Variants in INPP4B observed in about 807,000 individuals in gnomAD.
INPP4B encodes the protein inositol polyphosphate 4-phosphatase type II.
A neutral mutation model predicts 122.5 loss-of-function variants in INPP4B; 55 were observed. The ratio of observed to expected loss-of-function variants is 0.45; its 90% confidence interval spans 0.36 to 0.56. INPP4B has a LOEUF of 0.56. Ranked by LOEUF, INPP4B falls within the 20% of genes least tolerant of loss-of-function variation. The probability of loss-of-function intolerance (pLI) is 0.00; values close to 1 mark genes in which losing one functional copy is unlikely to be tolerated. For missense variants in INPP4B, 1,000 were observed against 1,097.7 expected, an observed-to-expected ratio of 0.91 and a Z score of 1.26; for synonymous variants, 403 against 388.7, an observed-to-expected ratio of 1.04 and a Z score of -0.43.
intron 9 of INPP4B, among the ~76,000 whole-genome samples, chr4:142,277,248 A>G (rs1172861904): frequency 6.6e-6 from 1 of 150,992 alleles, no homozygotes; most frequent in Non-Finnish European, 1.5e-5. Flanking sequence ...TTTGTCGGAC[A>G]TATACATTAC....
In INPP4B at chr4:142,344,269, G is replaced by C. The variant is rs374996801; in HGVS notation, c.373-29507C>G. On this transcript the variant is annotated intron_variant, in intron 7 of 25. Coordinates refer to ENST00000262992, the MANE Select transcript of INPP4B (RefSeq NM_001101669.3). The stretch of plus-strand genomic sequence containing the variant: ...AGGGTGCCGTAGCCAGATGCAGGCT[G>C]TTAAACAAGGGAAGCTGTGGACATA... Among the ~76,000 whole-genome samples the C allele has an allele frequency of 9.9e-5, 15 of 152,142 alleles. No individual in the cohort carries two copies. The East Asian group carries it at 1.7e-3, about 18-fold the overall frequency.
At chr4:142,745,797 T>A (rs573828972) in intron 1 of INPP4B, among the ~76,000 whole-genome samples, 23 of 151,996 alleles carry the variant, frequency 1.5e-4, no homozygotes, top group South Asian at 8.3e-4. Flanking sequence ...ATGAGACAGA[T>A]AAATCTCAAG....
chr4:142,107,725 C>T (rs1787874074), intron 23 of INPP4B, among the ~76,000 whole-genome samples: 2 of 152,180 alleles, frequency 1.3e-5, no homozygotes, highest in South Asian at 4.1e-4. Flanking sequence ...TCTGATGTTG[C>T]TTATAAATGG....
chr4:142,282,026 C>T (rs1023773673), intron 9 of INPP4B, among the ~76,000 whole-genome samples: 1 of 151,956 alleles, frequency 6.6e-6, no homozygotes, highest in East Asian at 1.9e-4. Flanking sequence ...ATTCTCTGCC[C>T]GCATGGAACT....
intron 15 of INPP4B, among the ~76,000 whole-genome samples, chr4:142,178,511 C>A (rs1829351180): frequency 6.6e-6 from 1 of 152,164 alleles, no homozygotes; most frequent in South Asian, 2.1e-4. Context: ...CATTGTGGGA[C>A]TTACTCTGTT....
intron 23 of INPP4B, among the ~76,000 whole-genome samples, chr4:142,101,776 T>G (rs192398794): frequency 2.6e-5 from 4 of 152,286 alleles, no homozygotes; most frequent in Non-Finnish European, 2.9e-5. Flanking sequence ...CTTGTTCTTT[T>G]CTTTCATTTT....
intron 2 of INPP4B, among the ~76,000 whole-genome samples, chr4:142,479,288 T>C (rs1392631869): frequency 1.3e-5 from 2 of 152,064 alleles, no homozygotes; most frequent in South Asian, 4.1e-4. Flanking sequence ...TGAGACAGAA[T>C]TGCTATTAAA....
At chr4:142,219,509 T>C (rs1474152102) in intron 12 of INPP4B, among the ~76,000 whole-genome samples, 3 of 152,218 alleles carry the variant, frequency 2.0e-5, no homozygotes, top group African/African-American at 7.2e-5. Flanking sequence ...AGTGCTCCAC[T>C]TATTGTCTAA....
At chr4:142,612,752 A>G (rs1282633987) in intron 2 of INPP4B, among the ~76,000 whole-genome samples, 1 of 152,018 alleles carries the variant, frequency 6.6e-6, no homozygotes, top group Non-Finnish European at 1.5e-5. Flanking sequence ...CACCCTCATG[A>G]CCTAATCATC....
At chr4:142,057,225 A>T (rs1758164521) in intron 25 of INPP4B, among the ~76,000 whole-genome samples, 1 of 135,444 alleles carries the variant, frequency 7.4e-6, no homozygotes, top group South Asian at 2.7e-4. Context: ...TTTTGTAACA[A>T]TAAATATTCC....
chr4:142,228,219 G>T (rs998832021), intron 12 of INPP4B, among the ~76,000 whole-genome samples: 1 of 151,694 alleles, frequency 6.6e-6, no homozygotes, highest in African/African-American at 2.4e-5. Flanking sequence ...TTTTAAAAAA[G>T]ATTAAAGATA....
chr4:142,031,066 T>TA (rs1047228507), intron 25 of INPP4B, among the ~76,000 whole-genome samples: 58 of 151,764 alleles, frequency 3.8e-4, no homozygotes, highest in Admixed American at 1.4e-3. Context: ...TCTGTGTAAA[T>TA]AAAAAAAAGT....
At chr4:142,318,447 A>T (rs1768669922) in intron 7 of INPP4B, among the ~76,000 whole-genome samples, 1 of 152,178 alleles carries the variant, frequency 6.6e-6, no homozygotes, top group South Asian at 2.1e-4. Context: ...TTCACCGACA[A>T]TGTCATGCCT....
At position 142,145,689 on chromosome 4, in the gene INPP4B, T is replaced by C. The variant is rs929168926; in HGVS notation, c.1720+151A>G. 2.6e-5 allele frequency: 17 copies of C among 663,470 alleles called. No individual in the cohort carries two copies. In the African/African-American group the frequency reaches 2.9e-4, roughly 11 times the overall value. The allele number at this position is 663,470 out of a possible 1,614,324, so 41.1% of individuals were successfully genotyped here. A position where few individuals can be genotyped will look rare whatever the true frequency, so the allele number is the denominator to read the frequency against. ...TGAGATGCAATTTGATAAATAGCCT[T>C]CCATCATCCAAGCCAGAGCAGTGGA... On this transcript the variant is annotated intron_variant, in intron 18 of 25. Coordinates refer to ENST00000262992, the MANE Select transcript of INPP4B (RefSeq NM_001101669.3).
intron 16 of INPP4B, among the ~76,000 whole-genome samples, chr4:142,166,479 G>GT (rs1250588330): frequency 6.6e-6 from 1 of 151,534 alleles, no homozygotes; most frequent in African/African-American, 2.4e-5. Context: ...CATAGGCATG[G>GT]GCAAATATTT....
chr4:142,394,434 C>T (rs1014103995), intron 7 of INPP4B, among the ~76,000 whole-genome samples: 11 of 152,206 alleles, frequency 7.2e-5, no homozygotes, highest in Admixed American at 2.6e-4. Flanking sequence ...CTACAGCCAC[C>T]GCACCTGGCC....
chr4:142,206,490 C>A (rs1051581437), intron 14 of INPP4B, among the ~76,000 whole-genome samples: 4 of 151,544 alleles, frequency 2.6e-5, no homozygotes, highest in African/African-American at 9.7e-5. Context: ...TTTAAACTTG[C>A]AAATCAGCTG....
chr4:142,311,372 T>G (rs1405163691), intron 8 of INPP4B, among the ~76,000 whole-genome samples: 1 of 152,218 alleles, frequency 6.6e-6, no homozygotes, highest in East Asian at 1.9e-4. Context: ...TTTTGAGTTC[T>G]GATGGGTCAC....
intron 2 of INPP4B, among the ~76,000 whole-genome samples, chr4:142,485,303 A>C (rs1821069352): frequency 6.6e-6 from 1 of 152,056 alleles, no homozygotes; most frequent in Non-Finnish European, 1.5e-5. Context: ...AAGACCAACC[A>C]ACCAACCTTA....
Sources: gnomAD v4.1 joint callset for allele counts (sites outside exome capture counted in the v4.1 genomes callset) on GRCh38, gnomAD v4.1.1 for gene constraint, MANE v1.5 for transcripts, NCBI Gene and HGNC (gene_info 2026-07-23, HGNC 2026-07-21) for gene names.